PARD3B: variants seen among roughly 807,000 people sequenced by gnomAD.
PARD3B encodes par-3 family cell polarity regulator beta, also known as partitioning defective 3 homolog B.
Under a neutral mutation model 130.2 loss-of-function variants are expected in PARD3B, and 103 were observed. The observed-to-expected ratio is 0.79, with a 90% CI of 0.67 to 0.93. The LOEUF (loss-of-function observed/expected upper bound fraction) is 0.93, where lower values mean the gene tolerates loss of function less well. Among genes scored for constraint, PARD3B ranks in the 40% least tolerant of loss-of-function variants. The pLI, the probability that PARD3B is intolerant of heterozygous loss-of-function variation, is 0.00. For synonymous variants in PARD3B, 583 were observed against 553.2 expected (o/e 1.05, Z -0.76); for missense variants, 1,609 against 1,499.2 (o/e 1.07, Z -1.21).
At chr2:204,646,900 A>G (rs1426593521) in intron 1 of PARD3B, among the ~76,000 whole-genome samples, 2 of 152,110 alleles carry the variant, frequency 1.3e-5, no homozygotes, top group East Asian at 1.9e-4. Flanking sequence ...TAAACACTCT[A>G]TGAACACTTA....
At chr2:205,095,463 G>A (rs1702340037) in intron 4 of PARD3B, among the ~76,000 whole-genome samples, 3 of 152,118 alleles carry the variant, frequency 2.0e-5, no homozygotes, top group Non-Finnish European at 2.9e-5. Context: ...AGATTTTAAA[G>A]CAGCCTTTAC....
rs182523967 is a variant in PARD3B at position 204,962,803 on chromosome 2, G to A, written c.223-2349G>A. On this transcript the variant is annotated intron_variant, in intron 2 of 22. Coordinates refer to ENST00000406610, the MANE Select transcript of PARD3B (RefSeq NM_001302769.2). ...AACCATGGGAGCCATGACAGGTCAG[G>A]AGCTGGTCCTCTTCTTCCCAGGAGT... Among the ~76,000 whole-genome samples the A allele has an allele frequency of 2.4e-3, 372 of 152,274 alleles. 2 individuals carry two copies. The highest frequency in any genetic ancestry group is 0.01 in the Middle Eastern group (3 of 294).
intron 4 of PARD3B, among the ~76,000 whole-genome samples, chr2:205,057,657 GTACATATACA>G (rs1559397695): frequency 3.3e-4 from 23 of 70,504 alleles, no homozygotes; most frequent in Admixed American, 6.8e-4. Context: ...ATGTGTATAC[GTACATATACA>G]TATATGTGTA....
At chr2:204,603,313 G>A (rs2033588145) in intron 1 of PARD3B, among the ~76,000 whole-genome samples, 1 of 152,026 alleles carries the variant, frequency 6.6e-6, no homozygotes, top group Non-Finnish European at 1.5e-5. Context: ...TTTTGTATTA[G>A]AAAGACTTTA....
At chr2:204,754,229 T>C (rs554134004) in intron 2 of PARD3B, among the ~76,000 whole-genome samples, 2 of 152,292 alleles carry the variant, frequency 1.3e-5, no homozygotes, top group South Asian at 4.1e-4. Context: ...ATTTGGTTGG[T>C]AGGGATGAAA....
intron 3 of PARD3B, among the ~76,000 whole-genome samples, chr2:205,009,660 G>A (rs1214498445): frequency 5.9e-5 from 7 of 117,880 alleles, no homozygotes; most frequent in African/African-American, 2.3e-4. Context: ...CACAGAGCGA[G>A]ACTCCGTCTC....
chr2:204,867,555 C>T (rs958480209), intron 2 of PARD3B, among the ~76,000 whole-genome samples: 1 of 152,066 alleles, frequency 6.6e-6, no homozygotes, highest in Non-Finnish European at 1.5e-5. Context: ...ACTTCAGCTC[C>T]CTTAACTTGT....
At chr2:205,557,080 G>A (rs185267709) in intron 22 of PARD3B, among the ~76,000 whole-genome samples, 183 of 152,160 alleles carry the variant, frequency 1.2e-3, no homozygotes, top group Non-Finnish European at 1.9e-3. Context: ...GTGCATCGGC[G>A]CATGATATTG....
rs2105811216 is a variant in PARD3B at position 205,341,843 on chromosome 2, A to G, written c.2630+40142A>G. ...TAAAATATCACTCTGTATTACTCCT[A>G]AATATGTACAATTATTACACATCAA... On this transcript the variant is annotated intron_variant, in intron 18 of 22. Coordinates refer to ENST00000406610, the MANE Select transcript of PARD3B (RefSeq NM_001302769.2). This position sits in a 1 kb window ranked among gnomAD's most constrained non-coding sequence, Gnocchi z 4.3. Among the ~76,000 whole-genome samples, 1 of 152,272 alleles carries G rather than the reference A, an allele frequency of 6.6e-6. No individual in the cohort carries two copies. The highest frequency in any genetic ancestry group is 2.1e-4 in the South Asian group (1 of 4,828).
intron 2 of PARD3B, among the ~76,000 whole-genome samples, chr2:204,726,812 T>C (rs541892383): frequency 3.3e-5 from 5 of 152,356 alleles, no homozygotes; most frequent in Non-Finnish European, 7.3e-5. Flanking sequence ...GTCTTCAGCC[T>C]CTCTGCTGCG....
intron 2 of PARD3B, among the ~76,000 whole-genome samples, chr2:204,723,316 C>T (rs992618570): frequency 6.6e-6 from 1 of 152,122 alleles, no homozygotes; most frequent in African/African-American, 2.4e-5. Context: ...CGATTCAAAT[C>T]AATTACTTTA....
intron 2 of PARD3B, among the ~76,000 whole-genome samples, chr2:204,780,183 C>T (rs1323707010): frequency 3.3e-5 from 5 of 152,142 alleles, no homozygotes; most frequent in Non-Finnish European, 5.9e-5. Context: ...TGTGCTTTTA[C>T]CTCCTGCTAA....
chr2:205,562,592 G>A lies in PARD3B; in HGVS notation c.3260+9189G>A, dbSNP rs2053177024. Among the ~76,000 whole-genome samples, 1 of 152,148 alleles carries A rather than the reference G, an allele frequency of 6.6e-6. No homozygotes were observed. The highest frequency in any genetic ancestry group is 2.4e-5 in the African/African-American group (1 of 41,420). On this transcript the variant is annotated intron_variant, in intron 22 of 22. Coordinates refer to ENST00000406610, the MANE Select transcript of PARD3B (RefSeq NM_001302769.2). This position sits in a 1 kb window ranked among gnomAD's most constrained non-coding sequence, Gnocchi z 5.4. ...TGTTTTCCCTCCTGCACATATTAAA[G>A]GGAATTTTAGCATTTATTTCCTACT...
At chr2:205,139,119 C>A (rs1040797436) in intron 10 of PARD3B, among the ~76,000 whole-genome samples, 5 of 151,910 alleles carry the variant, frequency 3.3e-5, no homozygotes, top group Non-Finnish European at 5.9e-5. Context: ...TTTGGAGATA[C>A]CATGGAGTAA....
intron 2 of PARD3B, among the ~76,000 whole-genome samples, chr2:204,746,444 G>T (rs1468323962): frequency 1.3e-5 from 2 of 151,868 alleles, no homozygotes; most frequent in African/African-American, 4.8e-5. Flanking sequence ...ATAAACATAC[G>T]TGTGCATGTG....
chr2:205,338,508 T>G (rs1021991727), intron 18 of PARD3B, among the ~76,000 whole-genome samples: 3 of 152,170 alleles, frequency 2.0e-5, no homozygotes, highest in Non-Finnish European at 4.4e-5. Context: ...TCTCAGTGAT[T>G]CTCATGTCAT....
chr2:204,767,147 C>A, intron 2 of PARD3B, among the ~76,000 whole-genome samples: 1 of 64,990 alleles, frequency 1.5e-5, no homozygotes, highest in Non-Finnish European at 3.0e-5. Context: ...TATCCCTCCC[C>A]CCTCCCCCGA....
At chr2:205,112,910 G>A (rs1212949841) in intron 5 of PARD3B, among the ~76,000 whole-genome samples, 1 of 152,126 alleles carries the variant, frequency 6.6e-6, no homozygotes, top group African/African-American at 2.4e-5. Context: ...TTGTTCTGTT[G>A]AATAGAACTG....
chr2:204,647,235 G>A (rs1363252569), intron 1 of PARD3B, among the ~76,000 whole-genome samples: 2 of 151,768 alleles, frequency 1.3e-5, no homozygotes, highest in African/African-American at 4.8e-5. Context: ...ATGTTTATTG[G>A]TCGTTTATTC....
Sources: gnomAD v4.1 joint callset for allele counts (sites outside exome capture counted in the v4.1 genomes callset) on GRCh38, gnomAD v4.1.1 for gene constraint, Gnocchi (gnomAD v3.1) non-coding constraint, MANE v1.5 for transcripts, NCBI Gene and HGNC (gene_info 2026-07-23, HGNC 2026-07-21) for gene names.